The following NKD2 variants were observed in gnomAD, a reference collection of about 807,000 sequenced individuals.
The protein encoded by NKD2 is protein naked cuticle homolog 2.
NKD2 carries 43 observed loss-of-function variants against 34.8 expected under a neutral mutation model. That is an observed-to-expected ratio of 1.24 (90% CI 0.97 to 1.60). The LOEUF is 1.60. Ranked by LOEUF, NKD2 falls within the 40% of genes most tolerant of loss-of-function variation. The pLI, the probability that NKD2 is intolerant of heterozygous loss-of-function variation, is 0.00. For synonymous variants in NKD2, 278 were observed against 265.1 expected, an observed-to-expected ratio of 1.05 and a Z score of -0.47; for missense variants, 675 against 627.1, an observed-to-expected ratio of 1.08 and a Z score of -0.82.
intron 5 of NKD2, among the ~76,000 whole-genome samples, chr5:1,033,931 G>C (rs1756747624): frequency 6.6e-6 from 1 of 152,230 alleles, no homozygotes; most frequent in South Asian, 2.1e-4. Flanking sequence ...ACACTTGACG[G>C]CCAGTGTGTC....
intron 3 of NKD2, among the ~76,000 whole-genome samples, chr5:1,020,669 C>CTTTT (rs576773512): frequency 2.2e-4 from 25 of 114,196 alleles, no homozygotes; most frequent in African/African-American, 3.2e-4. Flanking sequence ...TGTTGCTTGT[C>CTTTT]TTTTTTTTTT....
chr5:1,018,691 G>C (rs1301619495), intron 3 of NKD2, among the ~76,000 whole-genome samples: 1 of 152,204 alleles, frequency 6.6e-6, no homozygotes, highest in Non-Finnish European at 1.5e-5. Flanking sequence ...CCCAAGGCCG[G>C]AGCACAGAGG....
At chr5:1,034,038 A>G (rs1185937979) in intron 5 of NKD2, 197 bp from the exon 6 acceptor site, 8 of 594,446 alleles carry the variant, frequency 1.3e-5, no homozygotes, top group Non-Finnish European at 2.4e-5. Context: ...GGGTCCCCCC[A>G]AGAAGGGCTG....
chr5:1,034,007 CGAATCACAGGGCACAAAGCTG>C, intron 5 of NKD2: 1 of 583,432 alleles, frequency 1.7e-6, no homozygotes, highest in Non-Finnish European at 3.0e-6. Context: ...GTGGGGGAAC[CGAATCACAGGGCACAAAGCTG>C]GGTCCCCCCA....
chr5:1,015,429 A>G (rs890097344), intron 3 of NKD2, among the ~76,000 whole-genome samples: 3 of 152,202 alleles, frequency 2.0e-5, no homozygotes, highest in African/African-American at 7.2e-5. Context: ...ACACACCTGA[A>G]TTTGGAGTTG....
intron 4 of NKD2, among the ~76,000 whole-genome samples, chr5:1,032,658 T>G (rs1756690258): frequency 6.6e-6 from 1 of 152,220 alleles, no homozygotes; most frequent in African/African-American, 2.4e-5. Flanking sequence ...TTGGCTTACC[T>G]GTGGGTCTGT....
chr5:1,019,184 C>T (rs986047235), intron 3 of NKD2, among the ~76,000 whole-genome samples: 1 of 152,200 alleles, frequency 6.6e-6, no homozygotes, highest in Non-Finnish European at 1.5e-5. Flanking sequence ...GCCAGCTGCT[C>T]CTCTTTTGCG....
chr5:1,038,431 G>C lies in NKD2; in HGVS notation c.*58G>C. On this transcript the variant is annotated 3_prime_UTR_variant, in exon 10 of 10. Coordinates refer to ENST00000296849, the MANE Select transcript of NKD2 (RefSeq NM_033120.4). This position sits in a 1 kb window ranked among gnomAD's most constrained non-coding sequence, Gnocchi z 4.5. ...ACCACAGCCCGCGACCTCAGGGCAG[G>C]GAGCAGAGCAGCTGCCGGCTGTGTG... is the stretch of plus-strand genomic sequence containing the variant. The C allele has an allele frequency of 1.3e-6, 2 of 1,535,520 alleles. No homozygotes were observed. The highest frequency in any genetic ancestry group is 1.7e-6 in the Non-Finnish European group (2 of 1,146,620).
chr5:1,026,598 C>T (rs1756419830), intron 3 of NKD2, among the ~76,000 whole-genome samples: 1 of 70,292 alleles, frequency 1.4e-5, no homozygotes, highest in Admixed American at 1.7e-4. Context: ...CCCTGCTCTT[C>T]CCACCCACTG....
chr5:1,029,454 C>A (rs1454720062), intron 3 of NKD2, among the ~76,000 whole-genome samples: 1 of 152,186 alleles, frequency 6.6e-6, no homozygotes, highest in Non-Finnish European at 1.5e-5. Flanking sequence ...CGTTTCCAGA[C>A]ATCAAACCAC....
chr5:1,013,247 G>A (rs183913720), intron 3 of NKD2, among the ~76,000 whole-genome samples: 8 of 152,298 alleles, frequency 5.3e-5, no homozygotes, highest in African/African-American at 1.9e-4. Context: ...CTCATGTTCC[G>A]GGACCCTGTG....
chr5:1,026,576 C>CCTGCTCTTCCCACCCGCTGTGGGCATCT (rs1560991770), intron 3 of NKD2, among the ~76,000 whole-genome samples: 45 of 43,604 alleles, frequency 1.0e-3, no homozygotes, highest in African/African-American at 3.1e-3. Flanking sequence ...TGTGGGTGTC[C>CCTGCTCTTCCCACCCGCTGTGGGCATCT]CAGCCCATTG....
chr5:1,031,850 G>T (rs370014961), intron 3 of NKD2, among the ~76,000 whole-genome samples: 3 of 152,222 alleles, frequency 2.0e-5, no homozygotes, highest in African/African-American at 7.2e-5. Flanking sequence ...CCAGCATGGG[G>T]GCCCTGGCCA....
intron 3 of NKD2, among the ~76,000 whole-genome samples, chr5:1,022,270 CATT>C (rs1756231489): frequency 7.6e-5 from 10 of 131,450 alleles, no homozygotes; most frequent in Admixed American, 4.5e-4. Flanking sequence ...CGTCTCAGCC[CATT>C]GTCCCTGCTC....
Position 1,034,448 on chromosome 5 carries a change from A to G in NKD2, c.426+118A>G. ...GGGACCTGCCTGCTGCGAGGTCCTCATGCCAGCTGGGCTTGCGTCTCCCCA... is the reference window on the plus strand; with the variant it reads ...GGGACCTGCCTGCTGCGAGGTCCTCGTGCCAGCTGGGCTTGCGTCTCCCCA... On this transcript the variant is annotated intron_variant, in intron 6 of 9. Coordinates refer to ENST00000296849, the MANE Select transcript of NKD2 (RefSeq NM_033120.4). The G allele has an allele frequency of 3.5e-6, 3 of 851,930 alleles. No individual in the cohort carries two copies. The East Asian group carries it at 7.8e-5, about 22-fold the overall frequency. The allele number at this position is 851,930 out of a possible 1,614,324, so 52.8% of individuals were successfully genotyped here. A position where few individuals can be genotyped will look rare whatever the true frequency, so the allele number is the denominator to read the frequency against.
intron 9 of NKD2, chr5:1,037,446 G>C: frequency 7.6e-7 from 1 of 1,308,468 alleles, no homozygotes; most frequent in East Asian, 2.5e-5. Flanking sequence ...TTTGTAATGA[G>C]GGTTTAGGGG....
chr5:1,033,630 C>A, intron 5 of NKD2, 131 bp downstream of exon 5: 1 of 1,139,358 alleles, frequency 8.8e-7, no homozygotes, highest in Non-Finnish European at 1.2e-6. Flanking sequence ...CACAGTTCAC[C>A]CCGTTTAAGG....
chr5:1,019,368 G>A (rs556227193), intron 3 of NKD2, among the ~76,000 whole-genome samples: 8 of 152,270 alleles, frequency 5.3e-5, no homozygotes, highest in African/African-American at 1.9e-4. Flanking sequence ...CCTCTCACGC[G>A]GGGGTTCTCA....
At position 1,009,581 on chromosome 5, in the gene NKD2, T is replaced by G. The variant is rs774352214; in HGVS notation, c.141+21T>G. On this transcript the variant is annotated intron_variant, in intron 3 of 9. Transcript: ENST00000296849. The surrounding 1 kb of genome is among the most constrained non-coding windows in gnomAD (Gnocchi z 6.9). ...AGCAGGTAGGCGGCGGGGCGGAGGCTGGGGTCGCGCTGCGCACCCGCCCGG... is the reference window on the plus strand; with the variant it reads ...AGCAGGTAGGCGGCGGGGCGGAGGCGGGGGTCGCGCTGCGCACCCGCCCGG... The G allele has an allele frequency of 1.2e-5, 18 of 1,440,914 alleles. No homozygotes were observed. In the South Asian group the frequency reaches 2.1e-4, roughly 17 times the overall value. The allele number at this position is 1,440,914 out of a possible 1,614,324, so 89.3% of individuals were successfully genotyped here.
Sources: gnomAD v4.1 joint callset for allele counts (sites outside exome capture counted in the v4.1 genomes callset) on GRCh38, gnomAD v4.1.1 for gene constraint, Gnocchi (gnomAD v3.1) non-coding constraint, MANE v1.5 for transcripts, NCBI Gene and HGNC (gene_info 2026-07-23, HGNC 2026-07-21) for gene names.